ANKRD27: variants seen among roughly 807,000 people sequenced by gnomAD.
ANKRD27 encodes the protein ankyrin repeat domain 27, also known as ankyrin repeat domain-containing protein 27.
Under a neutral mutation model 129.7 loss-of-function variants are expected in ANKRD27, and 112 were observed. The observed-to-expected ratio is 0.86, with a 90% CI of 0.74 to 1.01. The LOEUF is 1.01. Among genes scored for constraint, ANKRD27 ranks in the 50% least tolerant of loss-of-function variants. ANKRD27 has a pLI of 0.00. For synonymous variants in ANKRD27, 516 were observed against 511.2 expected, an observed-to-expected ratio of 1.01 and a Z score of -0.13; for missense variants, 1,258 against 1,300.5, an observed-to-expected ratio of 0.97 and a Z score of 0.50.
At chr19:32,604,757 G>A (rs1248012507) in intron 24 of ANKRD27, among the ~76,000 whole-genome samples, 1 of 152,108 alleles carries the variant, frequency 6.6e-6, no homozygotes, top group African/African-American at 2.4e-5. Flanking sequence ...ATAACATTAA[G>A]ACAGAAAACA....
intron 1 of ANKRD27, among the ~76,000 whole-genome samples, 171 bp from the exon 2 acceptor site, chr19:32,659,216 G>A (rs1304310121): frequency 6.7e-6 from 1 of 149,036 alleles, no homozygotes; most frequent in African/African-American, 2.5e-5. Flanking sequence ...GGAGTAGCTG[G>A]GACTACAGGC....
chr19:32,600,517 G>A (rs904006449), intron 26 of ANKRD27, among the ~76,000 whole-genome samples: 4 of 152,098 alleles, frequency 2.6e-5, no homozygotes, highest in Admixed American at 6.6e-5. Flanking sequence ...CTCCAGCCTG[G>A]GCGACAGAGC....
chr19:32,671,279 C>T (rs984104829), intron 1 of ANKRD27, among the ~76,000 whole-genome samples: 14 of 126,792 alleles, frequency 1.1e-4, no homozygotes, highest in African/African-American at 3.8e-4. Flanking sequence ...CAGAGGAAGA[C>T]CCTGTCTCCA....
chr19:32,654,138 G>A (rs147612736), intron 2 of ANKRD27, among the ~76,000 whole-genome samples: 3,971 of 152,234 alleles, frequency 0.026, 183 homozygotes, highest in African/African-American at 0.091. Context: ...CTGACCTAGT[G>A]ATCCGCCTGC....
intron 1 of ANKRD27, among the ~76,000 whole-genome samples, chr19:32,664,180 G>A (rs376229427): frequency 1.3e-5 from 2 of 151,420 alleles, no homozygotes; most frequent in African/African-American, 2.4e-5. Context: ...TTTTAGAGAC[G>A]GGGTCTTGCT....
chr19:32,656,111 A>AAAGAAAGAAAGAAAG (rs1568417831), intron 2 of ANKRD27, among the ~76,000 whole-genome samples: 1 of 111,444 alleles, frequency 9.0e-6, no homozygotes, highest in African/African-American at 3.5e-5. Flanking sequence ...AAGAAAGAAA[A>AAAGAAAGAAAGAAAG]GAAAAGAAAA....
At position 32,640,398 on chromosome 19, in the gene ANKRD27, AAC is replaced by A. The variant is rs368174031; in HGVS notation, c.905-15_905-14del. 788 of 1,611,202 alleles carry A rather than the reference AAC, an allele frequency of 4.9e-4. 14 individuals carry two copies. The South Asian group carries it at 8.2e-3, about 17-fold the overall frequency. On this transcript the variant is annotated splice_polypyrimidine_tract_variant and intron_variant, in intron 10 of 28. Coordinates refer to ENST00000306065, the MANE Select transcript of ANKRD27 (RefSeq NM_032139.3). Reference sequence around the variant, plus strand: ...GTCTCCAGGTTCACTGCAAAGGGGAAACACACATTCAATGCCATCATGAGATT... The same window carrying A: ...GTCTCCAGGTTCACTGCAAAGGGGAAACACATTCAATGCCATCATGAGATT...
At chr19:32,669,117 T>C (rs1410684843) in intron 1 of ANKRD27, among the ~76,000 whole-genome samples, 1 of 151,682 alleles carries the variant, frequency 6.6e-6, no homozygotes, top group Non-Finnish European at 1.5e-5. Context: ...AGCCTAAGAG[T>C]CATATTTTAT....
Position 32,607,658 on chromosome 19 carries a change from C to T in ANKRD27, c.2350G>A (p.Ala784Thr). 6.2e-7 allele frequency: 1 copy of T among 1,611,494 alleles called. No individual in the cohort carries two copies. Among genetic ancestry groups the T allele is most frequent in the Admixed American group, 1.7e-5 (1 of 59,868 alleles). ...ACCTGAAAGTGGCCCTGCTGGCAGG[C>T]CAGGTGGAGCGGGACGGCTTGGTCT... ...NADQAVPLHL[A>T]CQQGHFQVVK... Residue 784 changes from alanine (A) to threonine (T), a missense_variant, in exon 23 of 29, where the codon GCC becomes ACC. Transcript: ENST00000306065.
In ANKRD27 at chr19:32,642,132, G is replaced by A. The variant is rs760642564; in HGVS notation, c.796C>T (p.Arg266Cys). 1.4e-5 allele frequency: 22 copies of A among 1,605,108 alleles called. No homozygotes were observed. Among genetic ancestry groups the A allele is most frequent in the South Asian group, 2.2e-5 (2 of 90,172 alleles). ...AGCTGAGCCAGCTCTCTTTTGGCACGAGGTATGTTAAAGCTGTAAAATAAT... is the reference window on the plus strand; with the variant it reads ...AGCTGAGCCAGCTCTCTTTTGGCACAAGGTATGTTAAAGCTGTAAAATAAT... Reference protein sequence around the residue: ...VKPEFSFNIPRAKRELAQLNK... With the variant: ...VKPEFSFNIPCAKRELAQLNK... Residue 266 changes from arginine to cysteine, a missense_variant, in exon 10 of 29, where the codon CGT (arginine) becomes TGT (cysteine). Transcript: ENST00000306065.
intron 26 of ANKRD27, among the ~76,000 whole-genome samples, chr19:32,600,824 T>C (rs1315468652): frequency 2.0e-5 from 3 of 152,122 alleles, no homozygotes; most frequent in Admixed American, 2.0e-4. Flanking sequence ...GGTTTATCCA[T>C]ATTATTGTAT....
intron 5 of ANKRD27, 32 bp from the exon 6 acceptor site, chr19:32,643,663 C>A: frequency 6.2e-7 from 1 of 1,612,298 alleles, no homozygotes; most frequent in Non-Finnish European, 8.5e-7. Context: ...GACAGGCCAC[C>A]CTTACCAGCA....
chr19:32,670,312 T>C (rs941922129), intron 1 of ANKRD27, among the ~76,000 whole-genome samples: 7 of 152,186 alleles, frequency 4.6e-5, no homozygotes, highest in African/African-American at 9.7e-5. Flanking sequence ...CAAAGAGCTC[T>C]GTCCTTTCAT....
chr19:32,670,197 T>C (rs259277), intron 1 of ANKRD27, among the ~76,000 whole-genome samples: 117,416 of 152,096 alleles, frequency 0.77, 45,509 homozygotes, highest in African/African-American at 0.81. Context: ...AGCACTGCTG[T>C]GCGGACAGGG....
intron 26 of ANKRD27, 131 bp from the exon 27 acceptor site, chr19:32,600,181 T>G (rs1971630880): frequency 1.4e-6 from 1 of 690,376 alleles, no homozygotes; most frequent in Non-Finnish European, 2.4e-6. Flanking sequence ...TGAATTTGCT[T>G]AAAGAAACAC....
Position 32,598,355 on chromosome 19 carries a change from C to G in ANKRD27, c.2943G>C (p.Leu981=). The G allele has an allele frequency of 6.2e-7, 1 of 1,614,068 alleles. No homozygotes were observed. The highest frequency in any genetic ancestry group is 8.5e-7 in the Non-Finnish European group (1 of 1,179,998). Residue 981 remains leucine, a synonymous_variant, in exon 29 of 29, where the codon CTG becomes CTC. Transcript: ENST00000306065. The part of the protein sequence containing the change: ...LHEPGRQSVT[L]RQNNLPAQSG... ...TCTGAGCTGGCAGGTTATTCTGTCT[C>G]AGTGTGACACTTTGCCTCCCTGGCT...
chr19:32,612,502 T>C (rs1971849536), intron 22 of ANKRD27, among the ~76,000 whole-genome samples: 1 of 152,178 alleles, frequency 6.6e-6, no homozygotes, highest in Non-Finnish European at 1.5e-5. Flanking sequence ...ATAGCTGAAA[T>C]ATTCCTGGCA....
At chr19:32,607,969 T>C (rs2868150) in intron 22 of ANKRD27, 137 bp from the exon 23 acceptor site, 561,827 of 879,464 alleles carry the variant, frequency 0.64, 184,420 homozygotes, top group Non-Finnish European at 0.69. Flanking sequence ...GATTCCAATT[T>C]GTTTAGAAGT....
At chr19:32,648,623 AC>A (rs1277377354) in intron 3 of ANKRD27, among the ~76,000 whole-genome samples, 1 of 151,878 alleles carries the variant, frequency 6.6e-6, no homozygotes, top group East Asian at 1.9e-4. Flanking sequence ...ACATGGTGAA[AC>A]CTCGTCTCTA....
Sources: gnomAD v4.1 joint callset for allele counts (sites outside exome capture counted in the v4.1 genomes callset) on GRCh38, gnomAD v4.1.1 for gene constraint, MANE v1.5 for transcripts, NCBI Gene and HGNC (gene_info 2026-07-23, HGNC 2026-07-21) for gene names.